The following TXNL1 variants were observed in gnomAD, a reference collection of about 807,000 sequenced individuals.
TXNL1 encodes the protein thioredoxin-like protein 1.
In TXNL1, 14 loss-of-function variants were observed where a neutral mutation model predicts 35.5. The ratio of observed to expected loss-of-function variants is 0.39; its 90% CI spans 0.26 to 0.62. The LOEUF (loss-of-function observed/expected upper bound fraction) is 0.62. TXNL1 is among the 20% of genes least tolerant of loss of function. TXNL1 has a pLI of 0.47. For synonymous variants in TXNL1, 110 were observed against 115.5 expected (o/e 0.95, Z 0.31); for missense variants, 263 against 349.7 (o/e 0.75, Z 1.98).
chr18:56,628,752 T>C (rs967248932), intron 1 of TXNL1, among the ~76,000 whole-genome samples: 5 of 152,172 alleles, frequency 3.3e-5, no homozygotes, highest in Non-Finnish European at 7.4e-5. Flanking sequence ...TGAAAATTAA[T>C]TGAACTATAC....
At chr18:56,622,834 G>A (rs2024210668) in intron 3 of TXNL1, among the ~76,000 whole-genome samples, 1 of 152,144 alleles carries the variant, frequency 6.6e-6, no homozygotes, top group Non-Finnish European at 1.5e-5. Context: ...TCCAAAAGAT[G>A]TAACAACCCT....
intron 1 of TXNL1, among the ~76,000 whole-genome samples, chr18:56,635,718 CAGT>C (rs2024445111): frequency 6.6e-6 from 1 of 152,026 alleles, no homozygotes; most frequent in African/African-American, 2.4e-5. Context: ...TTATAGGAAA[CAGT>C]GGTGATGGTG....
At chr18:56,629,760 C>T (rs1028968621) in intron 1 of TXNL1, among the ~76,000 whole-genome samples, 5 of 152,110 alleles carry the variant, frequency 3.3e-5, no homozygotes, top group African/African-American at 1.2e-4. Context: ...ACAGAGGTAT[C>T]CATTCTATAG....
At position 56,600,268 on chromosome 18, in the gene TXNL1, A is replaced by G. The variant is rs531812062; in HGVS notation, c.*2759T>C. ...AACATTGAGACAAAGGATGGCAGAC[A>G]GGTTTCAACTCTAATTGTTAAGTGG... On this transcript the variant is annotated 3_prime_UTR_variant, in exon 8 of 8. Transcript: ENST00000217515. 6.6e-6 allele frequency: 1 copy of G among 152,294 alleles called. No homozygotes were observed. Among genetic ancestry groups the G allele is most frequent in the Non-Finnish European group, 1.5e-5 (1 of 68,086 alleles). 9.4% of individuals were successfully genotyped at this position (152,294 alleles called of 1,614,324 possible).
At chr18:56,612,472 A>G (rs936927900) in intron 6 of TXNL1, among the ~76,000 whole-genome samples, 1 of 152,136 alleles carries the variant, frequency 6.6e-6, no homozygotes, top group South Asian at 2.1e-4. Context: ...TTTGTCATAC[A>G]TTGGATTTTT....
intron 3 of TXNL1, among the ~76,000 whole-genome samples, chr18:56,624,015 T>A (rs192462440): frequency 1.8e-3 from 268 of 152,270 alleles, no homozygotes; most frequent in African/African-American, 6.1e-3. Context: ...TAAATGGCTA[T>A]TAAAATAGTT....
chr18:56,621,222 T>G (rs1598918688), intron 3 of TXNL1, among the ~76,000 whole-genome samples: 1 of 104,352 alleles, frequency 9.6e-6, no homozygotes, highest in South Asian at 3.3e-4. Flanking sequence ...TTTTTTTTTT[T>G]GAAACAAAGT....
intron 5 of TXNL1, 74 bp downstream of exon 5, chr18:56,616,171 T>C (rs1337340210): frequency 1.5e-6 from 2 of 1,307,172 alleles, no homozygotes; most frequent in Non-Finnish European, 2.1e-6. Context: ...CTCTATTTAA[T>C]AAAAAGTTTT....
At chr18:56,624,922 G>T (rs1175831637) in intron 2 of TXNL1, among the ~76,000 whole-genome samples, 1 of 152,048 alleles carries the variant, frequency 6.6e-6, no homozygotes, top group Non-Finnish European at 1.5e-5. Flanking sequence ...CACTGCAACC[G>T]TCACCCAATT....
chr18:56,617,266 A>C (rs2024103531), intron 4 of TXNL1, among the ~76,000 whole-genome samples: 1 of 152,206 alleles, frequency 6.6e-6, no homozygotes, highest in African/African-American at 2.4e-5. Context: ...AGTGTATCAA[A>C]AAATAATAAG....
chr18:56,617,300 C>T (rs1487641225), intron 4 of TXNL1, among the ~76,000 whole-genome samples: 1 of 152,122 alleles, frequency 6.6e-6, no homozygotes, highest in Non-Finnish European at 1.5e-5. Context: ...GGGAACTGAA[C>T]TGTAGGTGAA....
chr18:56,632,060 C>T (rs1438209697), intron 1 of TXNL1, among the ~76,000 whole-genome samples: 1 of 152,100 alleles, frequency 6.6e-6, no homozygotes, highest in Non-Finnish European at 1.5e-5. Flanking sequence ...GCAGGGCCAC[C>T]ACTAGAACAG....
rs1343292335 is a variant in TXNL1, at chr18:56,598,536, G to A, written c.*4491C>T. On this transcript the variant is annotated 3_prime_UTR_variant, in exon 8 of 8. Coordinates refer to ENST00000217515, the MANE Select transcript of TXNL1 (RefSeq NM_004786.3). ...ATACAGCACAGCACACTGGAGAAAT[G>A]AGGGGCATGGGGAGGCTAGAGGAGG... 6.6e-6 allele frequency: 1 copy of A among 152,444 alleles called. No individual in the cohort carries two copies. Among genetic ancestry groups the A allele is most frequent in the African/African-American group, 2.4e-5 (1 of 41,428 alleles). The allele number at this position is 152,444 out of a possible 1,614,324, so 9.4% of individuals were successfully genotyped here. A position where few individuals can be genotyped will look rare whatever the true frequency, so the allele number is the denominator to read the frequency against.
Position 56,621,995 on chromosome 18 carries a change from T to C in TXNL1, c.369+2293A>G, listed in dbSNP as rs140719055. ...CACTTCACGCCAGCCTAGACAAAAGTGTGAAACTCCATCTCAAAAAAAAAA... is the reference window on the plus strand; with the variant it reads ...CACTTCACGCCAGCCTAGACAAAAGCGTGAAACTCCATCTCAAAAAAAAAA... On this transcript the variant is annotated intron_variant, in intron 3 of 7. Transcript: ENST00000217515. Among the ~76,000 whole-genome samples the C allele has an allele frequency of 5.1e-3, 658 of 130,238 alleles. 2 individuals carry two copies. Among genetic ancestry groups the C allele is most frequent in the African/African-American group, 0.018 (604 of 33,992 alleles). The allele number at this position is 130,238 out of a possible 152,430, so 85.4% of individuals were successfully genotyped here. A position where few individuals can be genotyped will look rare whatever the true frequency, so the allele number is the denominator to read the frequency against.
At chr18:56,618,251 A>G in intron 3 of TXNL1, 125 bp from the exon 4 acceptor site, 2 of 988,634 alleles carry the variant, frequency 2.0e-6, no homozygotes, top group Non-Finnish European at 2.9e-6. Context: ...AGTTCATAAA[A>G]CTTTTACAGT....
chr18:56,623,014 C>T (rs2024214492), intron 3 of TXNL1, among the ~76,000 whole-genome samples: 1 of 149,706 alleles, frequency 6.7e-6, no homozygotes, highest in South Asian at 2.1e-4. Flanking sequence ...GAAAGAATCT[C>T]TCATTTTTTT....
intron 7 of TXNL1, 58 bp from the exon 8 acceptor site, chr18:56,603,114 T>C: frequency 3.6e-6 from 5 of 1,376,344 alleles, no homozygotes; most frequent in South Asian, 2.4e-5. Context: ...TATGAGTTAT[T>C]AAAAATACTA....
rs1018047939 is a variant in TXNL1 at position 56,601,665 on chromosome 18, C to G, written c.*1362G>C. 1 of 152,122 alleles carries G rather than the reference C, an allele frequency of 6.6e-6. No homozygotes were observed. Among genetic ancestry groups the G allele is most frequent in the Non-Finnish European group, 1.5e-5 (1 of 68,016 alleles). 9.4% of individuals were successfully genotyped at this position (152,122 alleles called of 1,614,324 possible). A position where few individuals can be genotyped will look rare whatever the true frequency, so the allele number is the denominator to read the frequency against. ...AACTTCTGTAGAATTTTTTCATAAA[C>G]AAGTATAAACACACTGCTCTCACAA... On this transcript the variant is annotated 3_prime_UTR_variant, in exon 8 of 8. Coordinates refer to ENST00000217515, the MANE Select transcript of TXNL1 (RefSeq NM_004786.3).
intron 3 of TXNL1, among the ~76,000 whole-genome samples, chr18:56,621,062 C>T (rs1250923911): frequency 2.6e-5 from 4 of 152,166 alleles, no homozygotes; most frequent in African/African-American, 9.7e-5. Context: ...ATCTATATGT[C>T]ACTTCAATAT....
Sources: gnomAD v4.1 joint callset for allele counts (sites outside exome capture counted in the v4.1 genomes callset) on GRCh38, gnomAD v4.1.1 for gene constraint, MANE v1.5 for transcripts, NCBI Gene and HGNC (gene_info 2026-07-23, HGNC 2026-07-21) for gene names.